Variants in MS4A4A observed in about 807,000 individuals in gnomAD.
MS4A4A encodes the protein membrane-spanning 4-domains subfamily A member 4A.
MS4A4A carries 26 observed loss-of-function variants against 28.0 expected under a neutral mutation model. That is an observed-to-expected ratio of 0.93 (90% CI 0.68 to 1.29). The LOEUF (loss-of-function observed/expected upper bound fraction) is 1.29. Among genes scored for constraint, MS4A4A ranks in the 50% most tolerant of loss-of-function variants. The probability of loss-of-function intolerance (pLI) is 0.00; values close to 1 mark genes in which losing one functional copy is unlikely to be tolerated. For synonymous variants in MS4A4A, 86 were observed against 100.8 expected (o/e 0.85, Z 0.88); for missense variants, 290 against 293.1 (o/e 0.99, Z 0.08).
intron 1 of MS4A4A, among the ~76,000 whole-genome samples, chr11:60,291,067 A>T (rs546783222): frequency 1.3e-5 from 2 of 152,330 alleles, no homozygotes; most frequent in African/African-American, 4.8e-5. Flanking sequence ...TGATCATGAA[A>T]CACCTGAATA....
At chr11:60,286,360 T>C (rs1963377) in intron 1 of MS4A4A, among the ~76,000 whole-genome samples, 5,471 of 152,280 alleles carry the variant, frequency 0.036, 326 homozygotes, top group African/African-American at 0.12. Context: ...AAGACAGGCA[T>C]AGGAAATTAT....
In MS4A4A at chr11:60,304,808, C is replaced by T. The variant is rs534266678; in HGVS notation, c.547-1292C>T. 9.2e-5 allele frequency among the ~76,000 whole-genome samples: 14 copies of T among 152,282 alleles called. No individual in the cohort carries two copies. In the South Asian group the frequency reaches 2.7e-3, roughly 29 times the overall value. ...TATCTGGCCTTTACAGAAAGCTTGCCGTCTTCTAGTCTACACTTCTAGATG... is the reference window on the plus strand; with the variant it reads ...TATCTGGCCTTTACAGAAAGCTTGCTGTCTTCTAGTCTACACTTCTAGATG... On this transcript the variant is annotated intron_variant, in intron 5 of 6. Transcript: ENST00000337908.
intron 1 of MS4A4A, among the ~76,000 whole-genome samples, chr11:60,290,631 A>T (rs888496721): frequency 1.3e-5 from 2 of 151,736 alleles, no homozygotes; most frequent in Non-Finnish European, 2.9e-5. Context: ...TTATTTTATA[A>T]TTTGTAATTT....
At chr11:60,290,166 G>A (rs1477193138) in intron 1 of MS4A4A, 5 of 407,240 alleles carry the variant, frequency 1.2e-5, no homozygotes, top group Admixed American at 2.5e-5. Flanking sequence ...TACTGACTTC[G>A]ATGATTCTCA....
chr11:60,297,095 C>A, intron 2 of MS4A4A, 102 bp from the exon 3 acceptor site: 2 of 1,395,194 alleles, frequency 1.4e-6, no homozygotes, highest in Non-Finnish European at 2.0e-6. Flanking sequence ...ATATGACTAT[C>A]AAATGAAGGA....
intron 2 of MS4A4A, among the ~76,000 whole-genome samples, chr11:60,296,270 C>T (rs2084904646): frequency 1.3e-5 from 2 of 151,958 alleles, no homozygotes; most frequent in African/African-American, 2.4e-5. Context: ...TTGTTCATAA[C>T]ATTATTTTAT....
intron 2 of MS4A4A, among the ~76,000 whole-genome samples, chr11:60,295,731 G>A (rs1001241776): frequency 9.2e-5 from 14 of 151,948 alleles, no homozygotes; most frequent in Non-Finnish European, 1.8e-4. Context: ...TTTTTTCTGC[G>A]TCTGTTAATA....
chr11:60,289,523 C>G (rs1411872483), intron 1 of MS4A4A, among the ~76,000 whole-genome samples: 1 of 151,530 alleles, frequency 6.6e-6, no homozygotes, highest in Non-Finnish European at 1.5e-5. Flanking sequence ...TTCAGGTGCT[C>G]TTCTTTAGTT....
chr11:60,296,709 T>C (rs1238547540), intron 2 of MS4A4A, among the ~76,000 whole-genome samples: 1 of 152,168 alleles, frequency 6.6e-6, no homozygotes, highest in East Asian at 1.9e-4. Flanking sequence ...AATGGTACTC[T>C]TACTCTGCTA....
At chr11:60,288,344 G>C (rs915833694) in intron 1 of MS4A4A, among the ~76,000 whole-genome samples, 1 of 152,226 alleles carries the variant, frequency 6.6e-6, no homozygotes, top group Non-Finnish European at 1.5e-5. Context: ...TGGAGCTGGG[G>C]TCTTAGGCTC....
chr11:60,301,701 G>A (rs1001123820), intron 4 of MS4A4A, among the ~76,000 whole-genome samples: 1 of 152,156 alleles, frequency 6.6e-6, no homozygotes, highest in African/African-American at 2.4e-5. Context: ...TGTCCCCTCC[G>A]GCTGCAGCCA....
Position 60,289,359 on chromosome 11 carries a change from G to A in MS4A4A, c.42-2866G>A, listed in dbSNP as rs184399548. 2.8e-3 allele frequency among the ~76,000 whole-genome samples: 426 copies of A among 152,160 alleles called. 1 individual carries two copies. The highest frequency in any genetic ancestry group is 9.9e-3 in the African/African-American group (410 of 41,498). ...TGATGGGAGCTGCTGGGGTCCTCTCGCTTACCTTCTCCCTGCAGGAAGAAG... is the reference window on the plus strand; with the variant it reads ...TGATGGGAGCTGCTGGGGTCCTCTCACTTACCTTCTCCCTGCAGGAAGAAG... On this transcript the variant is annotated intron_variant, in intron 1 of 6. Transcript: ENST00000337908.
chr11:60,299,629 C>T (rs562660399), intron 3 of MS4A4A, among the ~76,000 whole-genome samples: 1 of 152,062 alleles, frequency 6.6e-6, no homozygotes, highest in Admixed American at 6.5e-5. Context: ...CCCGCCACCA[C>T]ACCCGGCTAA....
chr11:60,303,840 G>A (rs780017492), intron 5 of MS4A4A, among the ~76,000 whole-genome samples: 4 of 152,064 alleles, frequency 2.6e-5, no homozygotes, highest in Non-Finnish European at 5.9e-5. Flanking sequence ...TTATGTAAAC[G>A]TGGAAACCCA....
chr11:60,299,930 T>C (rs867350727), intron 3 of MS4A4A, among the ~76,000 whole-genome samples: 1 of 152,232 alleles, frequency 6.6e-6, no homozygotes, highest in Non-Finnish European at 1.5e-5. Context: ...AAAATGTTTG[T>C]AGAGCTGAAG....
At chr11:60,287,436 C>T (rs1482538275) in intron 1 of MS4A4A, among the ~76,000 whole-genome samples, 2 of 152,172 alleles carry the variant, frequency 1.3e-5, no homozygotes, top group African/African-American at 4.8e-5. Flanking sequence ...TTCATCCATT[C>T]ATGCAGGTAG....
chr11:60,299,272 C>T (rs2084930097), intron 3 of MS4A4A, among the ~76,000 whole-genome samples: 1 of 151,910 alleles, frequency 6.6e-6, no homozygotes, highest in African/African-American at 2.4e-5. Context: ...CCACTTGTTC[C>T]AACTATTTTT....
chr11:60,300,659 A>G (rs1426554923), intron 3 of MS4A4A, among the ~76,000 whole-genome samples: 3 of 151,300 alleles, frequency 2.0e-5, no homozygotes, highest in Non-Finnish European at 4.4e-5. Flanking sequence ...AATGAGAATA[A>G]TTTTAGTGTA....
chr11:60,290,345 T>C (rs2084844271), intron 1 of MS4A4A: 2 of 153,942 alleles, frequency 1.3e-5, no homozygotes. Flanking sequence ...CTCACTACAC[T>C]TCTCCCCAAA....
Sources: gnomAD v4.1 joint callset for allele counts (sites outside exome capture counted in the v4.1 genomes callset) on GRCh38, gnomAD v4.1.1 for gene constraint, MANE v1.5 for transcripts, NCBI Gene and HGNC (gene_info 2026-07-23, HGNC 2026-07-21) for gene names.